HEATR5A: variants seen among roughly 807,000 people sequenced by gnomAD.
The protein encoded by HEATR5A is HEAT repeat-containing protein 5A.
Under a neutral mutation model 218.8 loss-of-function variants are expected in HEATR5A, and 178 were observed. The observed-to-expected ratio is 0.81, with a 90% CI of 0.72 to 0.92. The LOEUF (loss-of-function observed/expected upper bound fraction) is 0.92. Among genes scored for constraint, HEATR5A ranks in the 40% least tolerant of loss-of-function variants. The probability of loss-of-function intolerance (pLI) is 0.00; values close to 1 mark genes in which losing one functional copy is unlikely to be tolerated. For missense variants in HEATR5A, 2,420 were observed against 2,418.9 expected, an observed-to-expected ratio of 1.00 and a Z score of -0.01; for synonymous variants, 864 against 871.6, an observed-to-expected ratio of 0.99 and a Z score of 0.15.
chr14:31,313,162 TTA>T lies in HEATR5A; in HGVS notation c.4245_4246del (p.His1415GlnfsTer29). 9 of 1,613,750 alleles carry T rather than the reference TTA, an allele frequency of 5.6e-6. No homozygotes were observed. Among genetic ancestry groups the T allele is most frequent in the Non-Finnish European group, 7.6e-6 (9 of 1,179,668 alleles). ...AGTCTTCAAAGGTTGTCTGTGGTTT[TTA>T]TGTCTTTGCACAGCAATTATGTAGA... On this transcript the variant is annotated frameshift_variant, in exon 28 of 36. Coordinates refer to ENST00000543095, the MANE Select transcript of HEATR5A (RefSeq NM_015473.4). LOFTEE classifies it high-confidence loss of function.
chr14:31,348,980 T>A (rs1272504746), intron 18 of HEATR5A, among the ~76,000 whole-genome samples: 1 of 152,224 alleles, frequency 6.6e-6, no homozygotes, highest in Non-Finnish European at 1.5e-5. Flanking sequence ...ATTACTTTTA[T>A]ATTTACTATC....
chr14:31,295,497 C>T (rs955804971), intron 34 of HEATR5A: 5 of 152,308 alleles, frequency 3.3e-5, no homozygotes, highest in South Asian at 2.1e-4. Flanking sequence ...CTGCCCACCG[C>T]GTCCTCCCAA....
chr14:31,394,201 G>C lies in HEATR5A; in HGVS notation c.623C>G (p.Ala208Gly). The C allele has an allele frequency of 6.7e-7, 1 of 1,494,546 alleles. No individual in the cohort carries two copies. Among genetic ancestry groups the C allele is most frequent in the Non-Finnish European group, 8.8e-7 (1 of 1,130,344 alleles). 92.6% of individuals were successfully genotyped at this position (1,494,546 alleles called of 1,614,324 possible). ...CAGGTCCGTACTCCACATAAAGATG[G>C]CTTCATTCTGAAGTTCAAGGAGACA... ...AKCLLELQNE[A>G]IFMWSTDLDS... Residue 208 changes from alanine (A) to glycine (G), a missense_variant, in exon 6 of 36, where the codon GCC becomes GGC. Physicochemically the swap from Ala to Gly is moderately conservative, Grantham distance 60 (BLOSUM62 0). Transcript: ENST00000543095.
chr14:31,383,174 T>C (rs1253387079), intron 10 of HEATR5A, among the ~76,000 whole-genome samples: 2 of 152,218 alleles, frequency 1.3e-5, no homozygotes, highest in African/African-American at 4.8e-5. Context: ...ATGGGACTTT[T>C]ACTTAACTTC....
chr14:31,310,148 G>A (rs937388251), intron 28 of HEATR5A, among the ~76,000 whole-genome samples: 4 of 150,936 alleles, frequency 2.7e-5, no homozygotes, highest in African/African-American at 4.8e-5. Context: ...AATAACATAC[G>A]CTATTTTTTT....
chr14:31,370,375 C>T (rs760045970), intron 13 of HEATR5A, among the ~76,000 whole-genome samples: 1 of 151,964 alleles, frequency 6.6e-6, no homozygotes, highest in Non-Finnish European at 1.5e-5. Context: ...ATACTTAAAC[C>T]GTCAGGAAAC....
intron 22 of HEATR5A, among the ~76,000 whole-genome samples, chr14:31,331,383 A>G (rs1426470931): frequency 6.6e-6 from 1 of 152,162 alleles, no homozygotes. Flanking sequence ...AATTCCTAGA[A>G]GTTCCTCAAC....
chr14:31,344,418 A>T (rs1900954988), intron 20 of HEATR5A, among the ~76,000 whole-genome samples: 1 of 151,686 alleles, frequency 6.6e-6, no homozygotes, highest in African/African-American at 2.4e-5. Flanking sequence ...AGCTGGGACT[A>T]CAGGCGCACA....
Position 31,330,585 on chromosome 14 carries a change from G to A in HEATR5A, c.3368-4243C>T, listed in dbSNP as rs536010822. ...GGGTGGATCACGAGGTCAAAAGATC[G>A]AGACCATCCTGGCTAACAAGTAGTG... On this transcript the variant is annotated intron_variant, in intron 22 of 35. Transcript: ENST00000543095. 5.3e-5 allele frequency among the ~76,000 whole-genome samples: 8 copies of A among 152,026 alleles called. No individual in the cohort carries two copies. In the East Asian group the frequency reaches 7.8e-4, roughly 15 times the overall value.
intron 25 of HEATR5A, chr14:31,320,541 T>A: frequency 9.6e-7 from 1 of 1,038,890 alleles, no homozygotes; most frequent in South Asian, 1.2e-5. Context: ...TTCTCTGGGC[T>A]ATTCAAGGAG....
intron 3 of HEATR5A, 106 bp from the exon 4 acceptor site, chr14:31,398,887 G>C: frequency 1.6e-6 from 1 of 639,680 alleles, no homozygotes; most frequent in African/African-American, 1.8e-5. Flanking sequence ...CCATTCTCTT[G>C]TCTTTTTACT....
intron 33 of HEATR5A, 66 bp downstream of exon 33, chr14:31,302,229 T>C (rs1899407323): frequency 1.8e-6 from 2 of 1,126,348 alleles, no homozygotes; most frequent in South Asian, 2.7e-5. Flanking sequence ...AAATATCTTA[T>C]CCTCAAAAAA....
chr14:31,321,486 A>G lies in HEATR5A; in HGVS notation c.3969+13T>C, dbSNP rs1472681765. The G allele has an allele frequency of 2.6e-6, 4 of 1,556,556 alleles. No individual in the cohort carries two copies. In the South Asian group the frequency reaches 4.8e-5, roughly 19 times the overall value. On this transcript the variant is annotated intron_variant, in intron 25 of 35. Transcript: ENST00000543095. The stretch of plus-strand genomic sequence containing the variant: ...GTGTTTAATAATAAAATTCTCTAAA[A>G]GAAAGTGCTTACATTGGCTTGATAC...
chr14:31,364,822 C>T (rs1901744870), intron 13 of HEATR5A, among the ~76,000 whole-genome samples: 1 of 152,172 alleles, frequency 6.6e-6, no homozygotes, highest in African/African-American at 2.4e-5. Context: ...CATCACTTTA[C>T]CAATGCTCAT....
At position 31,374,853 on chromosome 14, in the gene HEATR5A, C is replaced by A; in HGVS notation, c.1824G>T (p.Trp608Cys). The change falls in exon 12 of 36, where the codon TGG (tryptophan) becomes TGT (cysteine). Residue 608 changes from tryptophan to cysteine, a missense_variant. Coordinates refer to ENST00000543095, the MANE Select transcript of HEATR5A (RefSeq NM_015473.4). Reference sequence around the variant, plus strand: ...CAGCTCGTCCTTCCAGGGTCACCTGCCATGTAAACGAATCTCCTCGGCTCT... The same window carrying A: ...CAGCTCGTCCTTCCAGGGTCACCTGACATGTAAACGAATCTCCTCGGCTCT... ...TEKSRGDSFT[W>C]QVTLEGRAGA... 6.2e-7 allele frequency: 1 copy of A among 1,613,714 alleles called. No homozygotes were observed. Among genetic ancestry groups the A allele is most frequent in the Non-Finnish European group, 8.5e-7 (1 of 1,179,782 alleles).
intron 35 of HEATR5A, 64 bp from the exon 36 acceptor site, chr14:31,293,676 G>A: frequency 7.1e-7 from 1 of 1,403,344 alleles, no homozygotes; most frequent in Non-Finnish European, 9.6e-7. Flanking sequence ...GCCTGCAAAT[G>A]CACTTGATCT....
Position 31,302,499 on chromosome 14 carries a change from T to G in HEATR5A, c.5260A>C (p.Thr1754Pro). ...SPEGSISILP[T>P]ILYLTIGVLR... ...ACCCCGATTGTGAGGTACAATATAG[T>G]AGGGAGAATTGAGATGCTTCCTGTA... Residue 1754 changes from threonine (T) to proline (P), a missense_variant, in exon 33 of 36, where the codon ACT (threonine) becomes CCT (proline). Thr to Pro is a conservative substitution (Grantham distance 38). Transcript: ENST00000543095. The G allele has an allele frequency of 1.9e-6, 3 of 1,578,240 alleles. No individual in the cohort carries two copies. The highest frequency in any genetic ancestry group is 2.6e-6 in the Non-Finnish European group (3 of 1,160,188).
rs932459392 is a variant in HEATR5A at position 31,394,402 on chromosome 14, T to C, written c.598-176A>G. Among the ~76,000 whole-genome samples the C allele has an allele frequency of 2.0e-5, 3 of 152,286 alleles. No homozygotes were observed. The East Asian group carries it at 5.8e-4, about 29-fold the overall frequency. On this transcript the variant is annotated intron_variant, in intron 5 of 35. Transcript: ENST00000543095. ...ATTAAAAGTCATAAAGATTATATTA[T>C]AGAAGAGAATGAACCTACAAAAGGT...
At chr14:31,410,201 T>C (rs1404512468) in intron 1 of HEATR5A, among the ~76,000 whole-genome samples, 1 of 152,214 alleles carries the variant, frequency 6.6e-6, no homozygotes, top group African/African-American at 2.4e-5. Flanking sequence ...CAATTATTTT[T>C]CTTTGACTTT....
Sources: allele counts gnomAD v4.1 joint callset (sites outside exome capture counted in the v4.1 genomes callset), GRCh38; gene constraint gnomAD v4.1.1; transcripts MANE v1.5; gene names NCBI Gene and HGNC (gene_info 2026-07-23, HGNC 2026-07-21).